The following KLC4 variants were observed in gnomAD, a reference collection of about 807,000 sequenced individuals.
The protein encoded by KLC4 is kinesin light chain 4.
In KLC4, 49 loss-of-function variants were observed where a neutral mutation model predicts 77.2. The observed-to-expected ratio is 0.63, with a 90% CI of 0.50 to 0.80. The LOEUF (loss-of-function observed/expected upper bound fraction) is 0.80. Ranked by LOEUF, KLC4 falls within the 30% of genes least tolerant of loss-of-function variation. The probability of loss-of-function intolerance (pLI) is 0.00; values close to 1 mark genes in which losing one functional copy is unlikely to be tolerated. For missense variants in KLC4, 669 were observed against 793.5 expected (o/e 0.84, Z 1.89); for synonymous variants, 274 against 314.5 (o/e 0.87, Z 1.36).
chr6:43,063,554 A>ATT (rs59259365), intron 3 of KLC4, among the ~76,000 whole-genome samples: 2,720 of 145,690 alleles, frequency 0.019, 44 homozygotes, highest in Middle Eastern at 0.045. Flanking sequence ...AAATGTGTGA[A>ATT]TTTTTTTTTT....
In KLC4 at chr6:43,061,764, A is replaced by G. The variant is rs573168266; in HGVS notation, c.258+171A>G. 5.3e-5 allele frequency among the ~76,000 whole-genome samples: 8 copies of G among 152,350 alleles called. No homozygotes were observed. The South Asian group carries it at 1.7e-3, about 32-fold the overall frequency. ...GAATGCTTTTGGGCACTGAAGAGATACATCATTGAACAAAACTGTAAAAAT... is the reference window on the plus strand; with the variant it reads ...GAATGCTTTTGGGCACTGAAGAGATGCATCATTGAACAAAACTGTAAAAAT... On this transcript the variant is annotated intron_variant, in intron 2 of 15. Transcript: ENST00000347162.
chr6:43,072,727 TG>T, intron 12 of KLC4, 96 bp from the exon 13 acceptor site: 1 of 1,195,510 alleles, frequency 8.4e-7, no homozygotes, highest in Non-Finnish European at 1.2e-6. Context: ...CAAGGAAAAA[TG>T]TTTTCCTTCC....
At chr6:43,066,967 TA>T in intron 5 of KLC4, 28 bp from the exon 6 acceptor site, 1 of 1,600,728 alleles carries the variant, frequency 6.2e-7, no homozygotes, top group Non-Finnish European at 8.6e-7. Flanking sequence ...GGGTTCAGGG[TA>T]ACTCCTGTCA....
At chr6:43,071,200 T>TAAAA (rs540602192) in intron 8 of KLC4, 75 bp from the exon 9 acceptor site, 8 of 644,744 alleles carry the variant, frequency 1.2e-5, no homozygotes, top group Non-Finnish European at 1.8e-5. Flanking sequence ...AGACCTTGTC[T>TAAAA]AAAAAAAAAA....
chr6:43,066,415 T>C lies in KLC4; in HGVS notation c.681T>C (p.Tyr227=), dbSNP rs1765432840. The C allele has an allele frequency of 6.2e-7, 1 of 1,614,196 alleles. No individual in the cohort carries two copies. Among genetic ancestry groups the C allele is most frequent in the South Asian group, 1.1e-5 (1 of 91,086 alleles). ...LVIQYAAQGR[Y]EVAVPLCKQA... Reference sequence around the variant, plus strand: ...TCCAGTACGCAGCCCAAGGTCGCTATGAGGTGGCCGTGCCACTCTGTAAGC... The same window carrying C: ...TCCAGTACGCAGCCCAAGGTCGCTACGAGGTGGCCGTGCCACTCTGTAAGC... The change falls in exon 5 of 16, where the codon TAT becomes TAC. Residue 227 remains tyrosine (Y), a synonymous_variant. Coordinates refer to ENST00000347162, the MANE Select transcript of KLC4 (RefSeq NM_201521.3).
At chr6:43,070,130 C>G (rs888229723) in intron 6 of KLC4, among the ~76,000 whole-genome samples, 24 of 151,460 alleles carry the variant, frequency 1.6e-4, no homozygotes, top group South Asian at 4.2e-4. Context: ...AAAAACACCT[C>G]CAGAAATTTC....
intron 5 of KLC4, 77 bp from the exon 6 acceptor site, chr6:43,066,919 A>G (rs1005717641): frequency 1.9e-6 from 3 of 1,555,844 alleles, no homozygotes; most frequent in South Asian, 2.4e-5. Flanking sequence ...AAATGTACTC[A>G]GTCCTTCCAA....
Position 43,059,647 on chromosome 6 carries a change from A to T in KLC4, c.-64A>T. 4 of 1,366,522 alleles carry T rather than the reference A, an allele frequency of 2.9e-6. No homozygotes were observed. Among genetic ancestry groups the T allele is most frequent in the South Asian group, 1.9e-5 (1 of 53,486 alleles). The allele number at this position is 1,366,522 out of a possible 1,614,324, so 84.6% of individuals were successfully genotyped here. A position where few individuals can be genotyped will look rare whatever the true frequency, so the allele number is the denominator to read the frequency against. ...GCAGCCATCATGGATTTAAAGGGGC[A>T]GTACCGGCAAGAGCGGCAGCCACAC... On this transcript the variant is annotated 5_prime_UTR_variant, in exon 1 of 16. Transcript: ENST00000347162.
chr6:43,070,287 G>A, intron 6 of KLC4, 67 bp from the exon 7 acceptor site: 1 of 1,073,570 alleles, frequency 9.3e-7, no homozygotes, highest in Non-Finnish European at 1.4e-6. Context: ...TGGGAGGTGG[G>A]GAACCTCAGA....
intron 9 of KLC4, 23 bp from the exon 10 acceptor site, chr6:43,071,544 C>G (rs1335012469): frequency 6.2e-7 from 1 of 1,609,296 alleles, no homozygotes. Flanking sequence ...CTCTAACCTC[C>G]CCACCCCATG....
At chr6:43,063,701 C>T (rs756442827) in intron 3 of KLC4, among the ~76,000 whole-genome samples, 5 of 152,116 alleles carry the variant, frequency 3.3e-5, no homozygotes, top group Non-Finnish European at 5.9e-5. Context: ...TTGCAGGCAC[C>T]TGCCACCACG....
rs1765383455 is a variant in KLC4 at position 43,065,625 on chromosome 6, G to T, written c.495G>T (p.Glu165Asp). The T allele has an allele frequency of 6.2e-7, 1 of 1,613,206 alleles. No individual in the cohort carries two copies. Among genetic ancestry groups the T allele is most frequent in the African/African-American group, 1.3e-5 (1 of 74,910 alleles). ...QYDEDGHTSEEKEGDATKDSL... is the reference protein window; with the variant it reads ...QYDEDGHTSEDKEGDATKDSL... ...TGTTGCTTCTTCCCTTCCAGGAGGA[G>T]AAAGAAGGCGATGCCACCAAGGATT... The change falls in exon 4 of 16, where the codon GAG becomes GAT. Residue 165 changes from glutamate to aspartate, a missense_variant. By Grantham distance (45) the Glu-to-Asp change is conservative. Coordinates refer to ENST00000347162, the MANE Select transcript of KLC4 (RefSeq NM_201521.3).
chr6:43,065,493 G>A (rs1765373642), intron 3 of KLC4, 127 bp from the exon 4 acceptor site: 1 of 624,938 alleles, frequency 1.6e-6, no homozygotes, highest in South Asian at 2.1e-5. Context: ...CTTTCCAGGG[G>A]CAGAGACAGG....
At chr6:43,068,345 A>G (rs1250054152) in intron 6 of KLC4, among the ~76,000 whole-genome samples, 2 of 150,062 alleles carry the variant, frequency 1.3e-5, no homozygotes, top group African/African-American at 2.5e-5. Flanking sequence ...GGTGGGGGGC[A>G]CTTGTAATCC....
chr6:43,063,092 A>G lies in KLC4; in HGVS notation c.434A>G (p.Lys145Arg), dbSNP rs757434765. ...GTGGCTCAGCTGGAGGAGGAAAAGAAGCACCTGGAGTTCCTGGGGCAGCTG... is the reference window on the plus strand; with the variant it reads ...GTGGCTCAGCTGGAGGAGGAAAAGAGGCACCTGGAGTTCCTGGGGCAGCTG... ...QAVAQLEEEK[K>R]HLEFLGQLRQ... is the part of the protein sequence containing the mutation. The change falls in exon 3 of 16, where the codon AAG becomes AGG. Residue 145 changes from lysine (K) to arginine (R), a missense_variant. Coordinates refer to ENST00000347162, the MANE Select transcript of KLC4 (RefSeq NM_201521.3). 3.7e-6 allele frequency: 6 copies of G among 1,614,134 alleles called. No individual in the cohort carries two copies. The Admixed American group carries it at 6.7e-5, about 18-fold the overall frequency.
At chr6:43,073,481 TC>T in intron 14 of KLC4, 143 bp downstream of exon 14, 1 of 569,188 alleles carries the variant, frequency 1.8e-6, no homozygotes, top group Admixed American at 3.0e-5. Context: ...TGAAACTCTC[TC>T]CTAAAAATAC....
In KLC4 at chr6:43,070,766, G is replaced by A. The variant is rs776047453; in HGVS notation, c.1056G>A (p.Lys352=). 1 of 1,614,212 alleles carries A rather than the reference G, an allele frequency of 6.2e-7. No homozygotes were observed. The highest frequency in any genetic ancestry group is 1.1e-5 in the South Asian group (1 of 91,086). Residue 352 remains lysine (K), a synonymous_variant, in exon 8 of 16, where the codon AAG becomes AAA. Transcript: ENST00000347162. ...NLALLCQNQG[K]YEAVERYYQR... ...CCCTCTTGTGCCAAAACCAGGGCAA[G>A]TATGAGGCCGTGGAACGCTACTACC...
intron 12 of KLC4, 196 bp from the exon 13 acceptor site, chr6:43,072,628 G>T (rs1765786583): frequency 3.3e-6 from 2 of 599,814 alleles, no homozygotes; most frequent in Non-Finnish European, 5.8e-6. Flanking sequence ...TGGGCCATGG[G>T]GATAAAAATA....
chr6:43,064,123 C>A (rs2150352423), intron 3 of KLC4, among the ~76,000 whole-genome samples: 1 of 152,358 alleles, frequency 6.6e-6, no homozygotes, highest in South Asian at 2.1e-4. Flanking sequence ...CAGGCGTGAG[C>A]CACCACGCCT....
Sources: gnomAD v4.1 joint callset for allele counts (sites outside exome capture counted in the v4.1 genomes callset) on GRCh38, gnomAD v4.1.1 for gene constraint, MANE v1.5 for transcripts, NCBI Gene and HGNC (gene_info 2026-07-23, HGNC 2026-07-21) for gene names.